Variants in TRIM37 observed in about 807,000 individuals in gnomAD.
TRIM37 encodes the protein E3 ubiquitin-protein ligase TRIM37.
A neutral mutation model predicts 129.8 loss-of-function variants in TRIM37; 80 were observed. The observed-to-expected ratio is 0.62, with a 90% CI of 0.51 to 0.74. The LOEUF (loss-of-function observed/expected upper bound fraction) is 0.74. Among genes scored for constraint, TRIM37 ranks in the 30% least tolerant of loss-of-function variants. TRIM37 has a pLI of 0.00. For synonymous variants in TRIM37, 389 were observed against 387.1 expected, an observed-to-expected ratio of 1.00 and a Z score of -0.06; for missense variants, 1,054 against 1,176.5, an observed-to-expected ratio of 0.90 and a Z score of 1.52.
chr17:59,095,695 T>C, intron 2 of TRIM37, among the ~76,000 whole-genome samples: 1 of 152,312 alleles, frequency 6.6e-6, no homozygotes, highest in African/African-American at 2.4e-5. Flanking sequence ...TATATATACA[T>C]ACAAAAACAT....
intron 7 of TRIM37, among the ~76,000 whole-genome samples, chr17:59,078,526 G>A (rs545062220): frequency 3.3e-5 from 5 of 152,188 alleles, no homozygotes; most frequent in Admixed American, 6.5e-5. Flanking sequence ...ATTTGGCTAC[G>A]ACTGAAGATC....
At chr17:59,022,962 C>G (rs1232101330) in intron 19 of TRIM37, among the ~76,000 whole-genome samples, 1 of 152,100 alleles carries the variant, frequency 6.6e-6, no homozygotes, top group Non-Finnish European at 1.5e-5. Context: ...TTGTACTGTA[C>G]AGGTCCACTT....
Position 59,075,704 on chromosome 17 carries a change from TGTC to T in TRIM37, c.624_626del (p.Thr209del). 1 of 1,610,442 alleles carries T rather than the reference TGTC, an allele frequency of 6.2e-7. No individual in the cohort carries two copies. The highest frequency in any genetic ancestry group is 8.5e-7 in the Non-Finnish European group (1 of 1,178,392). ...AAAGCTCTGTTTCTTGGGTTAGAGA[TGTC>T]TTCTGACCTGATGAAAAATAGTGAA... On this transcript the variant is annotated inframe_deletion, in exon 8 of 24. Coordinates refer to ENST00000262294, the MANE Select transcript of TRIM37 (RefSeq NM_015294.6).
chr17:59,105,131 T>C (rs928966630), intron 1 of TRIM37, among the ~76,000 whole-genome samples: 7 of 150,776 alleles, frequency 4.6e-5, no homozygotes, highest in African/African-American at 1.7e-4. Flanking sequence ...AGGCAGACTA[T>C]ATGACTGAAT....
intron 22 of TRIM37, among the ~76,000 whole-genome samples, chr17:59,009,750 C>A (rs549888151): frequency 1.3e-5 from 2 of 151,998 alleles, no homozygotes; most frequent in Admixed American, 6.6e-5. Flanking sequence ...CCGGCCCTGG[C>A]CTTCCAATTT....
the TRIM37 span, chr17:58,972,802 T>A: frequency 1.9e-6 from 3 of 1,550,564 alleles, no homozygotes; most frequent in Non-Finnish European, 2.7e-6. Context: ...AATCCAGTTA[T>A]TTGCTTCTTT....
At position 59,051,306 on chromosome 17, in the gene TRIM37, A is replaced by C; in HGVS notation, c.1222T>G (p.Phe408Val). 1 of 1,613,742 alleles carries C rather than the reference A, an allele frequency of 6.2e-7. No individual in the cohort carries two copies. Residue 408 changes from phenylalanine (F) to valine (V), a missense_variant, in exon 14 of 24, where the codon TTC becomes GTC. Phe to Val is a conservative substitution (Grantham distance 50, BLOSUM62 -1). Around this residue, in one of 3 missense-constraint regions of TRIM37, gnomAD observed 752 missense variants for 870.8 expected, o/e 0.86. Coordinates refer to ENST00000262294, the MANE Select transcript of TRIM37 (RefSeq NM_015294.6). The part of the protein sequence containing the change: ...ILRFQVRSPT[F>V]FQKSRDQHWY... ...TGCTGGTCCCGGGATTTTTGAAAGA[A>C]AGTTGGTGAACGTACCTGAAACCTT...
At chr17:58,978,291 C>T (rs1207846960), downstream of TRIM37, among the ~76,000 whole-genome samples, 1 of 152,140 alleles carries the variant, frequency 6.6e-6, no homozygotes, top group East Asian at 1.9e-4. Flanking sequence ...CAGTAAAGCC[C>T]TTTGTAAATA....
At position 58,985,924 on chromosome 17, in the gene TRIM37, C is replaced by G. The variant is rs1308407998; in HGVS notation, c.2892-3003G>C. Among the ~76,000 whole-genome samples the G allele has an allele frequency of 1.3e-5, 2 of 152,042 alleles. 1 individual carries two copies. The highest frequency in any genetic ancestry group is 2.9e-5 in the Non-Finnish European group (2 of 68,008). On this transcript the variant is annotated intron_variant, in intron 24 of 24. Coordinates refer to the TRIM37 transcript ENST00000393066. ...ACATATTTGAAGGGGTTTACTGAAGCAGGGAATGACAGAAAAGGAACATTT... is the reference window on the plus strand; with the variant it reads ...ACATATTTGAAGGGGTTTACTGAAGGAGGGAATGACAGAAAAGGAACATTT...
At chr17:59,042,589 C>G (rs1005371773) in intron 16 of TRIM37, among the ~76,000 whole-genome samples, 42 of 150,660 alleles carry the variant, frequency 2.8e-4, no homozygotes, top group African/African-American at 9.8e-4. Flanking sequence ...ATGGCAAAAC[C>G]CTGTCTCTCC....
chr17:58,988,112 T>C (rs2031989964), intron 24 of TRIM37, among the ~76,000 whole-genome samples: 1 of 152,212 alleles, frequency 6.6e-6, no homozygotes, highest in Non-Finnish European at 1.5e-5. Context: ...GTAGGGTCGT[T>C]GTAAACAGAC....
chr17:59,035,764 C>CA (rs1456725916), intron 17 of TRIM37, among the ~76,000 whole-genome samples: 2 of 146,184 alleles, frequency 1.4e-5, no homozygotes, highest in African/African-American at 5.4e-5. Context: ...AACAAAAAAC[C>CA]AAAAAAACAA....
intron 16 of TRIM37, among the ~76,000 whole-genome samples, chr17:59,042,578 C>T (rs1232779511): frequency 2.0e-5 from 3 of 150,536 alleles, no homozygotes; most frequent in African/African-American, 7.3e-5. Flanking sequence ...GCCTGGCCAA[C>T]ATGGCAAAAC....
intron 16 of TRIM37, among the ~76,000 whole-genome samples, chr17:59,044,843 T>C (rs1294024515): frequency 6.6e-6 from 1 of 152,126 alleles, no homozygotes; most frequent in Non-Finnish European, 1.5e-5. Context: ...GAGGGACAAC[T>C]GTACTAGCAA....
In TRIM37 at chr17:59,025,712, G is replaced by A. The variant is rs138035754; in HGVS notation, c.2257+2703C>T. Among the ~76,000 whole-genome samples, 367 of 152,102 alleles carry A rather than the reference G, an allele frequency of 2.4e-3. 7 individuals carry two copies. In the East Asian group the frequency reaches 0.062, roughly 26 times the overall value. ...ATCTTTCTCTGGTTGAAAAAAATTC[G>A]AATATTAAGTGGACCTGTACAGTAC... On this transcript the variant is annotated intron_variant, in intron 19 of 23. Coordinates refer to ENST00000262294, the MANE Select transcript of TRIM37 (RefSeq NM_015294.6).
chr17:59,093,249 C>T (rs1313332533), intron 2 of TRIM37, among the ~76,000 whole-genome samples: 11 of 152,098 alleles, frequency 7.2e-5, no homozygotes, highest in African/African-American at 1.2e-4. Flanking sequence ...TAGGCAAAAA[C>T]GAAATTTGGG....
At chr17:59,012,078 G>A (rs1696050216) in intron 22 of TRIM37, among the ~76,000 whole-genome samples, 1 of 151,962 alleles carries the variant, frequency 6.6e-6, no homozygotes, top group African/African-American at 2.4e-5. Flanking sequence ...TACCCATTTT[G>A]CCTTCCTCTG....
intron 21 of TRIM37, among the ~76,000 whole-genome samples, chr17:59,015,382 G>C (rs947847758): frequency 1.3e-5 from 2 of 152,038 alleles, no homozygotes; most frequent in African/African-American, 4.8e-5. Flanking sequence ...AGAGGTTGCA[G>C]AGAGCTGAGA....
chr17:59,037,557 C>G (rs1335092525), intron 17 of TRIM37, among the ~76,000 whole-genome samples: 7 of 74,028 alleles, frequency 9.5e-5, no homozygotes, highest in Admixed American at 1.8e-4. Flanking sequence ...GACTCTGTCT[C>G]AAAAAAAAAA....
Sources: gnomAD v4.1 joint callset for allele counts (sites outside exome capture counted in the v4.1 genomes callset) on GRCh38, gnomAD v4.1.1 for gene constraint, gnomAD v4.1.1 regional missense constraint, MANE v1.5 for transcripts, NCBI Gene and HGNC (gene_info 2026-07-23, HGNC 2026-07-21) for gene names.